Variants in FGF5 observed in about 807,000 individuals in gnomAD.
FGF5 encodes the protein fibroblast growth factor 5, also known as heparin-binding growth factor 5.
In FGF5, 23 loss-of-function variants were observed where a neutral mutation model predicts 21.8. The ratio of observed to expected loss-of-function variants is 1.05; its 90% CI spans 0.76 to 1.49. The LOEUF is 1.49. Among genes scored for constraint, FGF5 ranks in the 40% most tolerant of loss-of-function variants. FGF5 has a pLI of 0.00. For synonymous variants in FGF5, 158 were observed against 124.0 expected, an observed-to-expected ratio of 1.27 and a Z score of -1.82; for missense variants, 352 against 332.9, an observed-to-expected ratio of 1.06 and a Z score of -0.45.
intron 2 of FGF5, among the ~76,000 whole-genome samples, chr4:80,278,859 C>G (rs574600866): frequency 1.1e-4 from 17 of 152,092 alleles, no homozygotes; most frequent in Admixed American, 2.6e-4. Context: ...GATGTATGGT[C>G]TTCTCTTTGT....
intron 1 of FGF5, chr4:80,268,388 C>T: frequency 1.6e-6 from 1 of 634,498 alleles, no homozygotes; most frequent in African/African-American, 2.0e-5. Flanking sequence ...TCACAGTCAC[C>T]TGGTTTCAGT....
At chr4:80,283,776 G>GA (rs940546937) in intron 2 of FGF5, among the ~76,000 whole-genome samples, 91 of 146,258 alleles carry the variant, frequency 6.2e-4, no homozygotes, top group African/African-American at 1.3e-3. Context: ...TGCATTTTAA[G>GA]AAAAAAAAAA....
intron 2 of FGF5, 42 bp downstream of exon 2, chr4:80,275,054 A>G: frequency 1.2e-6 from 1 of 810,352 alleles, no homozygotes; most frequent in Non-Finnish European, 2.0e-6. Flanking sequence ...TGCTATAAAG[A>G]TTTTACATTT....
intron 2 of FGF5, among the ~76,000 whole-genome samples, chr4:80,278,156 T>G (rs781754292): frequency 2.8e-4 from 43 of 152,130 alleles, no homozygotes; most frequent in Non-Finnish European, 5.6e-4. Flanking sequence ...TCAATTACAT[T>G]GTTTTCACCT....
chr4:80,283,501 T>A (rs1170526401), intron 2 of FGF5, among the ~76,000 whole-genome samples: 1 of 152,132 alleles, frequency 6.6e-6, no homozygotes, highest in Admixed American at 6.6e-5. Flanking sequence ...ATTCCTGTTT[T>A]AAAAAAAGAA....
intron 2 of FGF5, among the ~76,000 whole-genome samples, chr4:80,275,330 T>G (rs1373323124): frequency 6.6e-6 from 1 of 151,914 alleles, no homozygotes; most frequent in Non-Finnish European, 1.5e-5. Context: ...AATAATATAT[T>G]TCATCACATT....
Position 80,279,029 on chromosome 4 carries a change from G to A in FGF5, c.459+4017G>A, listed in dbSNP as rs1309119377. Among the ~76,000 whole-genome samples, 5 of 152,204 alleles carry A rather than the reference G, an allele frequency of 3.3e-5. No individual in the cohort carries two copies. In the East Asian group the frequency reaches 7.7e-4, roughly 24 times the overall value. The stretch of plus-strand genomic sequence containing the variant: ...CTGAGCACTCTTTCTCCCTTTATCT[G>A]TCTGTCTGTCCCTGCTCCCTCCTGA... On this transcript the variant is annotated intron_variant, in intron 2 of 2. Coordinates refer to ENST00000312465, the MANE Select transcript of FGF5 (RefSeq NM_004464.4).
Position 80,290,898 on chromosome 4 carries a change from A to G in FGF5, c.*4226A>G, listed in dbSNP as rs913572645. ...ATTTTTTATGGCTGCATAGTATTCC[A>G]TGGTGTATATGTGCCACATTTTCTT... On this transcript the variant is annotated 3_prime_UTR_variant, in exon 3 of 3. Coordinates refer to ENST00000312465, the MANE Select transcript of FGF5 (RefSeq NM_004464.4). 6.6e-6 allele frequency: 1 copy of G among 152,300 alleles called. No individual in the cohort carries two copies. The highest frequency in any genetic ancestry group is 1.5e-5 in the Non-Finnish European group (1 of 68,014). 9.4% of individuals were successfully genotyped at this position (152,300 alleles called of 1,614,324 possible).
At position 80,289,350 on chromosome 4, in the gene FGF5, C is replaced by A. The variant is rs1720832778; in HGVS notation, c.*2678C>A. The A allele has an allele frequency of 6.6e-6, 1 of 152,126 alleles. No individual in the cohort carries two copies. Among genetic ancestry groups the A allele is most frequent in the African/African-American group, 2.4e-5 (1 of 41,434 alleles). 9.4% of individuals were successfully genotyped at this position (152,126 alleles called of 1,614,324 possible). On this transcript the variant is annotated 3_prime_UTR_variant, in exon 3 of 3. Transcript: ENST00000312465. ...TACCTACATCAATTAATTAAATGAACTTATGTACAGAAAACATGTATAAAT... is the reference window on the plus strand; with the variant it reads ...TACCTACATCAATTAATTAAATGAAATTATGTACAGAAAACATGTATAAAT...
At position 80,286,492 on chromosome 4, in the gene FGF5, G is replaced by A. The variant is rs376649641; in HGVS notation, c.627G>A (p.Gln209=). 2.0e-4 allele frequency: 323 copies of A among 1,614,062 alleles called. 3 individuals are homozygous for A. In the South Asian group the frequency reaches 3.3e-3, roughly 16 times the overall value. The change falls in exon 3 of 3, where the codon CAG becomes CAA. Residue 209 remains glutamine (Q), a synonymous_variant. Coordinates refer to ENST00000312465, the MANE Select transcript of FGF5 (RefSeq NM_004464.4). ...GGTGCAGCCCCCGGGTTAAACCCCAGCATATCTCTACCCATTTTCTGCCAA... is the reference window on the plus strand; with the variant it reads ...GGTGCAGCCCCCGGGTTAAACCCCAACATATCTCTACCCATTTTCTGCCAA... ...KRGCSPRVKP[Q]HISTHFLPRF...
In FGF5 at chr4:80,286,490, C is replaced by G; in HGVS notation, c.625C>G (p.Gln209Glu). Residue 209 changes from glutamine (Q) to glutamate (E), a missense_variant, in exon 3 of 3, where the codon CAG (glutamine) becomes GAG (glutamate). Gln to Glu is a conservative substitution (Grantham distance 29). Transcript: ENST00000312465. Reference sequence around the variant, plus strand: ...AGGGTGCAGCCCCCGGGTTAAACCCCAGCATATCTCTACCCATTTTCTGCC... The same window carrying G: ...AGGGTGCAGCCCCCGGGTTAAACCCGAGCATATCTCTACCCATTTTCTGCC... ...KRGCSPRVKP[Q>E]HISTHFLPRF... The G allele has an allele frequency of 6.2e-7, 1 of 1,613,986 alleles. No homozygotes were observed. The highest frequency in any genetic ancestry group is 1.3e-5 in the African/African-American group (1 of 75,006).
At chr4:80,279,711 A>T (rs943350759) in intron 2 of FGF5, among the ~76,000 whole-genome samples, 2 of 152,184 alleles carry the variant, frequency 1.3e-5, no homozygotes, top group East Asian at 3.8e-4. Context: ...GGTGGTTATC[A>T]TGTATTCTTC....
rs990992784 is a variant in FGF5, at chr4:80,288,776, G to A, written c.*2104G>A. The A allele has an allele frequency of 2.6e-5, 4 of 152,494 alleles. No homozygotes were observed. The highest frequency in any genetic ancestry group is 9.7e-5 in the African/African-American group (4 of 41,410). 9.4% of individuals were successfully genotyped at this position (152,494 alleles called of 1,614,324 possible). On this transcript the variant is annotated 3_prime_UTR_variant, in exon 3 of 3. Coordinates refer to ENST00000312465, the MANE Select transcript of FGF5 (RefSeq NM_004464.4). ...CCACGTCAATGCATAAGTTGTATAG[G>A]CTAAATGTTGCTTGTAGGCTACATT...
chr4:80,269,519 A>G (rs560470501), intron 1 of FGF5, among the ~76,000 whole-genome samples: 5 of 152,352 alleles, frequency 3.3e-5, no homozygotes, highest in Non-Finnish European at 7.3e-5. Context: ...ACCACTACCC[A>G]GTATGTAACA....
intron 1 of FGF5, among the ~76,000 whole-genome samples, chr4:80,267,429 C>A (rs1282767638): frequency 6.6e-6 from 1 of 152,182 alleles, no homozygotes; most frequent in East Asian, 1.9e-4. Context: ...GGTGCCCAGA[C>A]GGGTACCTTG....
Position 80,286,496 on chromosome 4 carries a change from A to T in FGF5, c.631A>T (p.Ile211Phe), listed in dbSNP as rs900532451. The T allele has an allele frequency of 1.9e-6, 3 of 1,614,078 alleles. No individual in the cohort carries two copies. Among genetic ancestry groups the T allele is most frequent in the Non-Finnish European group, 2.5e-6 (3 of 1,180,004 alleles). The change falls in exon 3 of 3, where the codon ATC becomes TTC. Residue 211 changes from isoleucine (I) to phenylalanine (F), a missense_variant. Coordinates refer to ENST00000312465, the MANE Select transcript of FGF5 (RefSeq NM_004464.4). ...CAGCCCCCGGGTTAAACCCCAGCAT[A>T]TCTCTACCCATTTTCTGCCAAGATT... is the stretch of plus-strand genomic sequence containing the variant. ...GCSPRVKPQH[I>F]STHFLPRFKQ...
chr4:80,273,737 G>A (rs1269641848), intron 1 of FGF5, among the ~76,000 whole-genome samples: 1 of 151,536 alleles, frequency 6.6e-6, no homozygotes, highest in Non-Finnish European at 1.5e-5. Flanking sequence ...TAGAGATGCG[G>A]TGTCACTATT....
At chr4:80,268,401 C>T in intron 1 of FGF5, 1 of 761,486 alleles carries the variant, frequency 1.3e-6, no homozygotes. Flanking sequence ...GTTTCAGTGT[C>T]AGCCTGGTTG....
Position 80,268,257 on chromosome 4 carries a change from G to A in FGF5, c.355+1078G>A, listed in dbSNP as rs182174876. ...AGTAGGAGTGGGGAGATCTCTGTGG[G>A]GCTTTTGCTCAGTAGGGCCAGATCG... On this transcript the variant is annotated intron_variant, in intron 1 of 2. Transcript: ENST00000312465. 3.3e-5 allele frequency: 5 copies of A among 153,324 alleles called. No homozygotes were observed. The Admixed American group carries it at 3.3e-4, about 10-fold the overall frequency. 9.5% of individuals were successfully genotyped at this position (153,324 alleles called of 1,614,324 possible).
Sources: gnomAD v4.1 joint callset for allele counts (sites outside exome capture counted in the v4.1 genomes callset) on GRCh38, gnomAD v4.1.1 for gene constraint, MANE v1.5 for transcripts, NCBI Gene and HGNC (gene_info 2026-07-23, HGNC 2026-07-21) for gene names.